The following COL1A2 variants were observed in gnomAD, a reference collection of about 807,000 sequenced individuals.
The protein encoded by COL1A2 is collagen alpha-2(I) chain.
COL1A2 carries 49 observed loss-of-function variants against 174.3 expected under a neutral mutation model. The observed-to-expected ratio is 0.28, with a 90% CI of 0.22 to 0.36. The LOEUF (loss-of-function observed/expected upper bound fraction) is 0.36. COL1A2 is among the 10% of genes least tolerant of loss of function. The pLI is 1.00. For synonymous variants in COL1A2, 655 were observed against 606.6 expected (o/e 1.08, Z -1.17); for missense variants, 1,438 against 1,822.7 (o/e 0.79, Z 3.84).
At chr7:94,420,774 G>A in intron 37 of COL1A2, 126 bp downstream of exon 37, 2 of 994,698 alleles carry the variant, frequency 2.0e-6, no homozygotes, top group Non-Finnish European at 3.1e-6. Context: ...AATAACGGAA[G>A]GATTAACATT....
rs200123817 is a variant in COL1A2 at position 94,425,878 on chromosome 7, C to G, written c.2943+21C>G. ...AAACTGTAAGTTTGTGAATACCAGT[C>G]CCTCAGTGCAGCATTCTCGTGGGCT... On this transcript the variant is annotated intron_variant, in intron 44 of 51. Coordinates refer to ENST00000297268, the MANE Select transcript of COL1A2 (RefSeq NM_000089.4). 3.7e-4 allele frequency: 597 copies of G among 1,606,216 alleles called. 4 individuals carry two copies. The highest frequency in any genetic ancestry group is 3.2e-3 in the South Asian group (285 of 90,192).
intron 41 of COL1A2, chr7:94,424,673 C>A: frequency 1.8e-6 from 1 of 546,788 alleles, no homozygotes; most frequent in Non-Finnish European, 3.3e-6. Flanking sequence ...TTTGTTCTTT[C>A]CACGCACTTA....
At position 94,410,233 on chromosome 7, in the gene COL1A2, G is replaced by T. The variant is rs202024467; in HGVS notation, c.1036-9G>T. 4 of 1,613,468 alleles carry T rather than the reference G, an allele frequency of 2.5e-6. No individual in the cohort carries two copies. Among genetic ancestry groups the T allele is most frequent in the East Asian group, 4.5e-5 (2 of 44,878 alleles). On this transcript the variant is annotated splice_polypyrimidine_tract_variant and intron_variant, in intron 19 of 51. Coordinates refer to ENST00000297268, the MANE Select transcript of COL1A2 (RefSeq NM_000089.4). ...TGTCCTTTGACCACTGTTCTGTATT[G>T]AACCCTAGGGTGAGCCTGGTCCAGC...
At chr7:94,413,491 T>C (rs1791974942) in intron 26 of COL1A2, among the ~76,000 whole-genome samples, 199 bp from the exon 27 acceptor site, 1 of 152,240 alleles carries the variant, frequency 6.6e-6, no homozygotes, top group South Asian at 2.1e-4. Flanking sequence ...CATAAATATA[T>C]ATACCTACTA....
At chr7:94,424,309 A>G (rs749834742) in intron 40 of COL1A2, 27 bp from the exon 41 acceptor site, 3 of 1,587,356 alleles carry the variant, frequency 1.9e-6, no homozygotes, top group Non-Finnish European at 2.6e-6. Context: ...TCTTACCCAT[A>G]ATACTCAGTA....
chr7:94,429,950 A>G (rs984756576), intron 51 of COL1A2: 4 of 446,940 alleles, frequency 8.9e-6, no homozygotes, highest in East Asian at 4.3e-5. Context: ...ATAGAGGGAC[A>G]TACACACAAC....
At chr7:94,414,563 A>G (rs1791997975) in intron 29 of COL1A2, among the ~76,000 whole-genome samples, 1 of 152,218 alleles carries the variant, frequency 6.6e-6, no homozygotes. Flanking sequence ...TGATAACGTT[A>G]AGATACAAAT....
chr7:94,427,523 G>A, intron 48 of COL1A2, 104 bp from the exon 49 acceptor site: 1 of 1,372,606 alleles, frequency 7.3e-7, no homozygotes, highest in Non-Finnish European at 1.0e-6. Context: ...TTTTACTGAT[G>A]AGAACATGCT....
In COL1A2 at chr7:94,394,973, C is replaced by A; in HGVS notation, c.-59C>A. On this transcript the variant is annotated 5_prime_UTR_variant, in exon 1 of 52. Coordinates refer to ENST00000297268, the MANE Select transcript of COL1A2 (RefSeq NM_000089.4). ...CATGCCCGCGCCCGCCAGGTGATAC[C>A]TCCGCCGGTGACCCAGGGGCTCTGC... The A allele has an allele frequency of 1.3e-6, 2 of 1,527,498 alleles. No homozygotes were observed. The highest frequency in any genetic ancestry group is 1.8e-6 in the Non-Finnish European group (2 of 1,102,912). The allele number at this position is 1,527,498 out of a possible 1,614,324, so 94.6% of individuals were successfully genotyped here.
intron 22 of COL1A2, 23 bp from the exon 23 acceptor site, chr7:94,411,031 CTG>C: frequency 2.0e-6 from 3 of 1,509,494 alleles, no homozygotes; most frequent in Non-Finnish European, 1.8e-6. Context: ...CCTCCTCTAT[CTG>C]TTTTTTTTTT....
Position 94,404,486 on chromosome 7 carries a change from A to G in COL1A2, c.280-70A>G. On this transcript the variant is annotated intron_variant, in intron 6 of 51. Coordinates refer to ENST00000297268, the MANE Select transcript of COL1A2 (RefSeq NM_000089.4). Reference sequence around the variant, plus strand: ...CAACAATGGCACTGCTAAGTTGGTCATATCTGACCCCAGCCAACACCATGA... The same window carrying G: ...CAACAATGGCACTGCTAAGTTGGTCGTATCTGACCCCAGCCAACACCATGA... 3.2e-6 allele frequency: 5 copies of G among 1,540,104 alleles called. No homozygotes were observed. In the African/African-American group the frequency reaches 5.4e-5, roughly 17 times the overall value.
At position 94,429,350 on chromosome 7, in the gene COL1A2, C is replaced by G; in HGVS notation, c.3874C>G (p.Leu1292Val). The change falls in exon 51 of 52, where the codon CTA (leucine) becomes GTA (valine). Residue 1292 changes from leucine to valine, a missense_variant. Leu to Val is a conservative substitution (Grantham distance 32). Transcript: ENST00000297268. ...TGGCAACCTGAAAAAGGCTGTCATT[C>G]TACAGGGCTCTAATGATGTTGAACT... ...ETGNLKKAVILQGSNDVELVA... is the reference protein window; with the variant it reads ...ETGNLKKAVIVQGSNDVELVA... 6.2e-7 allele frequency: 1 copy of G among 1,613,936 alleles called. No homozygotes were observed. Among genetic ancestry groups the G allele is most frequent in the Non-Finnish European group, 8.5e-7 (1 of 1,179,894 alleles).
chr7:94,422,886 A>G (rs893939783), intron 39 of COL1A2, 71 bp from the exon 40 acceptor site: 1 of 1,562,100 alleles, frequency 6.4e-7, no homozygotes, highest in African/African-American at 1.4e-5. Flanking sequence ...TAAGATCTAG[A>G]ATCTTTGCTG....
At chr7:94,409,485 AGAAGAAT>A in intron 17 of COL1A2, 65 bp downstream of exon 17, 1 of 1,610,692 alleles carries the variant, frequency 6.2e-7, no homozygotes, top group Non-Finnish European at 8.5e-7. Context: ...ATGGGGAAGA[AGAAGAAT>A]GAAGATGGGG....
rs960325497 is a variant in COL1A2, at chr7:94,412,626, G to A, written c.1447G>A (p.Ala483Thr). The A allele has an allele frequency of 3.7e-6, 6 of 1,613,974 alleles. No individual in the cohort carries two copies. The highest frequency in any genetic ancestry group is 1.3e-5 in the African/African-American group (1 of 74,888). Residue 483 changes from alanine (A) to threonine (T), a missense_variant, in exon 25 of 52, where the codon GCT (alanine) becomes ACT (threonine). By Grantham distance (58) the Ala-to-Thr change is moderately conservative. Transcript: ENST00000297268. ...CGGCAGGCCTGGCCCAATTGGCCCAGCTGGAGCAAGAGGAGAGCCTGGCAA... is the reference window on the plus strand; with the variant it reads ...CGGCAGGCCTGGCCCAATTGGCCCAACTGGAGCAAGAGGAGAGCCTGGCAA... ...IDGRPGPIGP[A>T]GARGEPGNIG... is the part of the protein sequence containing the mutation.
At chr7:94,430,025 T>TTTGG in intron 51 of COL1A2, 1 of 577,674 alleles carries the variant, frequency 1.7e-6, no homozygotes, top group East Asian at 2.9e-5. Flanking sequence ...TGTTGGTTTT[T>TTTGG]TTGGTTTGTT....
rs779303344 is a variant in COL1A2, at chr7:94,425,756, C to T, written c.2842C>T (p.Arg948Cys). 15 of 1,613,488 alleles carry T rather than the reference C, an allele frequency of 9.3e-6. No individual in the cohort carries two copies. Among genetic ancestry groups the T allele is most frequent in the South Asian group, 3.3e-5 (3 of 90,964 alleles). Residue 948 changes from arginine (R) to cysteine (C), a missense_variant, in exon 44 of 52, where the codon CGC (arginine) becomes TGC (cysteine). By Grantham distance (180) the Arg-to-Cys change is radical (BLOSUM62 -3). This residue lies in a region of COL1A2 where 867 missense variants were observed against 1,213.7 expected (regional missense o/e 0.71). Transcript: ENST00000297268. ...TTCATTTTGCCTTTGGTAGGGAGAG[C>T]GCGGTTACCCTGGCAATATTGGTCC... is the stretch of plus-strand genomic sequence containing the variant. ...RDGQPGHKGE[R>C]GYPGNIGPVG... is the part of the protein sequence containing the mutation.
intron 5 of COL1A2, among the ~76,000 whole-genome samples, chr7:94,401,130 A>G (rs1562897817): frequency 6.6e-6 from 1 of 152,196 alleles, no homozygotes; most frequent in Non-Finnish European, 1.5e-5. Flanking sequence ...AGCAAGAAAA[A>G]GATCTCTTAG....
In COL1A2 at chr7:94,406,115, G is replaced by C. The variant is rs1791789526; in HGVS notation, c.541-135G>C. ...CAATAGACTGAGTTTGCTGGGACCTGGAACACTGGACTTCTTTCTACTGCA... is the reference window on the plus strand; with the variant it reads ...CAATAGACTGAGTTTGCTGGGACCTCGAACACTGGACTTCTTTCTACTGCA... On this transcript the variant is annotated intron_variant, in intron 11 of 51. Coordinates refer to ENST00000297268, the MANE Select transcript of COL1A2 (RefSeq NM_000089.4). 4.5e-6 allele frequency: 4 copies of C among 881,692 alleles called. No homozygotes were observed. In the Admixed American group the frequency reaches 7.9e-5, roughly 17 times the overall value. The allele number at this position is 881,692 out of a possible 1,614,324, so 54.6% of individuals were successfully genotyped here. A position where few individuals can be genotyped will look rare whatever the true frequency, so the allele number is the denominator to read the frequency against.
Sources: gnomAD v4.1 joint callset for allele counts (sites outside exome capture counted in the v4.1 genomes callset) on GRCh38, gnomAD v4.1.1 for gene constraint, gnomAD v4.1.1 regional missense constraint, MANE v1.5 for transcripts, NCBI Gene and HGNC (gene_info 2026-07-23, HGNC 2026-07-21) for gene names.